CERKL: variants seen among roughly 807,000 people sequenced by gnomAD.
CERKL encodes the protein ceramide kinase-like protein.
In CERKL, 61 loss-of-function variants were observed where a neutral mutation model predicts 63.4. That is an observed-to-expected ratio of 0.96 (90% CI 0.78 to 1.19). The LOEUF is 1.19. Among genes scored for constraint, CERKL ranks in the 50% most tolerant of loss-of-function variants. The pLI, the probability that CERKL is intolerant of heterozygous loss-of-function variation, is 0.00. For synonymous variants in CERKL, 250 were observed against 230.5 expected (o/e 1.08, Z -0.77); for missense variants, 675 against 655.5 (o/e 1.03, Z -0.33).
chr2:181,656,792 G>T lies in CERKL; in HGVS notation c.215C>A (p.Pro72His). 6.3e-7 allele frequency: 1 copy of T among 1,596,954 alleles called. No individual in the cohort carries two copies. Residue 72 changes from proline (P) to histidine (H), a missense_variant, in exon 1 of 13, where the codon CCC becomes CAC. Transcript: ENST00000410087. ...ACCCGCCGGGCGCTCGGGCTGAATGGGCCGCCACCGCAGTGCTCGCTCGCT... is the reference window on the plus strand; with the variant it reads ...ACCCGCCGGGCGCTCGGGCTGAATGTGCCGCCACCGCAGTGCTCGCTCGCT... Reference protein sequence around the residue: ...VLSERALRWRPIQPERPAGDS... With the variant: ...VLSERALRWRHIQPERPAGDS...
intron 3 of CERKL, among the ~76,000 whole-genome samples, chr2:181,572,537 C>T (rs1322778971): frequency 6.6e-6 from 1 of 152,124 alleles, no homozygotes; most frequent in Non-Finnish European, 1.5e-5. Flanking sequence ...TAATACAAAT[C>T]TCAAACTTTT....
At chr2:181,556,813 T>G (rs184050325) in intron 5 of CERKL, among the ~76,000 whole-genome samples, 2 of 152,192 alleles carry the variant, frequency 1.3e-5, no homozygotes, top group East Asian at 3.9e-4. Context: ...CCTGAGGAAT[T>G]GCCACACTGT....
chr2:181,556,921 T>A (rs1277847920), intron 5 of CERKL, among the ~76,000 whole-genome samples: 1 of 152,216 alleles, frequency 6.6e-6, no homozygotes, highest in Non-Finnish European at 1.5e-5. Context: ...TCCTGACTTT[T>A]TAATGATCAC....
intron 2 of CERKL, among the ~76,000 whole-genome samples, chr2:181,600,660 A>T (rs572348757): frequency 6.6e-5 from 10 of 152,244 alleles, no homozygotes; most frequent in Non-Finnish European, 1.3e-4. Context: ...AGAAGATTTA[A>T]CTATCCTAAA....
At position 181,539,359 on chromosome 2, in the gene CERKL, A is replaced by T. The variant is rs1271950096; in HGVS notation, c.1366-95T>A. On this transcript the variant is annotated intron_variant, in intron 11 of 12. Coordinates refer to ENST00000410087, the MANE Select transcript of CERKL (RefSeq NM_201548.5). ...GAGCCCTCTCTCACAAGTAAATATC[A>T]GCATGTATGCTGACATTTTAATAGC... 7 of 797,660 alleles carry T rather than the reference A, an allele frequency of 8.8e-6. No homozygotes were observed. In the Admixed American group the frequency reaches 9.6e-5, roughly 11 times the overall value. 49.4% of individuals were successfully genotyped at this position (797,660 alleles called of 1,614,324 possible).
intron 3 of CERKL, among the ~76,000 whole-genome samples, chr2:181,572,138 TA>T (rs1259759242): frequency 6.6e-6 from 1 of 152,114 alleles, no homozygotes; most frequent in Non-Finnish European, 1.5e-5. Flanking sequence ...TCCCAACTTT[TA>T]CAGTACATGC....
chr2:181,568,996 A>G (rs1343053603), intron 3 of CERKL, among the ~76,000 whole-genome samples: 1 of 152,150 alleles, frequency 6.6e-6, no homozygotes, highest in Non-Finnish European at 1.5e-5. Flanking sequence ...CCTTTCAGAT[A>G]AGGGATACTC....
rs1200299230 is a variant in CERKL at position 181,537,648 on chromosome 2, AAG to A, written c.*534_*535del. 10 of 434,636 alleles carry A rather than the reference AAG, an allele frequency of 2.3e-5. No homozygotes were observed. Among genetic ancestry groups the A allele is most frequent in the African/African-American group, 2.1e-4 (10 of 48,748 alleles). 26.9% of individuals were successfully genotyped at this position (434,636 alleles called of 1,614,324 possible). ...GATGAGCTCAAATCCTGAAAAATGA[AAG>A]AATCCAAATTATTTCAGAATTATCT... is the stretch of plus-strand genomic sequence containing the variant. On this transcript the variant is annotated 3_prime_UTR_variant, in exon 13 of 13. Coordinates refer to ENST00000410087, the MANE Select transcript of CERKL (RefSeq NM_201548.5).
intron 1 of CERKL, among the ~76,000 whole-genome samples, chr2:181,633,337 C>T (rs982425140): frequency 3.3e-5 from 5 of 152,088 alleles, no homozygotes; most frequent in Admixed American, 1.3e-4. Context: ...TGACATGCTT[C>T]GAGGCTGAGG....
chr2:181,556,515 T>C (rs1196758725), intron 5 of CERKL, among the ~76,000 whole-genome samples: 1 of 152,138 alleles, frequency 6.6e-6, no homozygotes, highest in African/African-American at 2.4e-5. Flanking sequence ...GTCCTTGTGA[T>C]GGTTTGCTGA....
intron 2 of CERKL, among the ~76,000 whole-genome samples, chr2:181,601,816 G>A (rs1204035876): frequency 6.6e-6 from 1 of 152,170 alleles, no homozygotes; most frequent in African/African-American, 2.4e-5. Flanking sequence ...CAGTTTGTTT[G>A]TATGAGTTGA....
intron 1 of CERKL, among the ~76,000 whole-genome samples, chr2:181,651,155 G>T (rs1394596316): frequency 6.6e-6 from 1 of 152,120 alleles, no homozygotes; most frequent in Admixed American, 6.5e-5. Flanking sequence ...GAAGCAAAGG[G>T]AATACTTCCA....
chr2:181,619,712 G>T (rs769161996), intron 1 of CERKL, among the ~76,000 whole-genome samples: 1 of 151,884 alleles, frequency 6.6e-6, no homozygotes, highest in African/African-American at 2.4e-5. Context: ...ACCAACTGTC[G>T]AAGCACATTG....
intron 4 of CERKL, among the ~76,000 whole-genome samples, chr2:181,563,174 A>G (rs373222866): frequency 3.4e-4 from 52 of 152,242 alleles, no homozygotes; most frequent in African/African-American, 1.0e-3. Flanking sequence ...AATAGGGAGC[A>G]ATATAGAATC....
chr2:181,574,190 A>T (rs1689026668), intron 2 of CERKL, among the ~76,000 whole-genome samples: 1 of 152,216 alleles, frequency 6.6e-6, no homozygotes, highest in Admixed American at 6.5e-5. Flanking sequence ...TGTATTTACC[A>T]AACCACAATA....
chr2:181,598,627 T>A (rs1685323503), intron 2 of CERKL, among the ~76,000 whole-genome samples: 1 of 152,060 alleles, frequency 6.6e-6, no homozygotes, highest in Non-Finnish European at 1.5e-5. Context: ...TACTATCAAA[T>A]AAAAAGCCCA....
At chr2:181,587,541 T>C (rs940769087) in intron 2 of CERKL, among the ~76,000 whole-genome samples, 2 of 152,158 alleles carry the variant, frequency 1.3e-5, no homozygotes, top group African/African-American at 4.8e-5. Context: ...TTTAACTATA[T>C]CACTTTTCCT....
chr2:181,548,627 A>T (rs1417760231), intron 7 of CERKL, 23 bp from the exon 8 acceptor site: 1 of 1,612,422 alleles, frequency 6.2e-7, no homozygotes, highest in East Asian at 2.2e-5. Context: ...GAAATTTGTT[A>T]TTAACAGTCA....
At chr2:181,562,834 G>T (rs1688505307) in intron 4 of CERKL, among the ~76,000 whole-genome samples, 1 of 151,408 alleles carries the variant, frequency 6.6e-6, no homozygotes, top group Non-Finnish European at 1.5e-5. Context: ...TTTTCTTTCT[G>T]GAAAAGTTTG....
Sources: allele counts gnomAD v4.1 joint callset (sites outside exome capture counted in the v4.1 genomes callset), GRCh38; gene constraint gnomAD v4.1.1; transcripts MANE v1.5; gene names NCBI Gene and HGNC (gene_info 2026-07-23, HGNC 2026-07-21).